ZFYVE27: variants seen among roughly 807,000 people sequenced by gnomAD.
The protein encoded by ZFYVE27 is zinc finger FYVE-type containing 27.
In ZFYVE27, 36 loss-of-function variants were observed where a neutral mutation model predicts 52.8. The observed-to-expected ratio is 0.68, with a 90% CI of 0.52 to 0.90. The LOEUF (loss-of-function observed/expected upper bound fraction) is 0.90. Ranked by LOEUF, ZFYVE27 falls within the 40% of genes least tolerant of loss-of-function variation. The pLI is 0.00. For synonymous variants in ZFYVE27, 223 were observed against 215.6 expected (o/e 1.03, Z -0.30); for missense variants, 450 against 527.2 (o/e 0.85, Z 1.43).
intron 8 of ZFYVE27, 34 bp from the exon 9 acceptor site, chr10:97,752,822 GT>G (rs746253439): frequency 6.2e-7 from 1 of 1,603,442 alleles, no homozygotes; most frequent in African/African-American, 1.3e-5. Flanking sequence ...TTTTCTTTCT[GT>G]TTTCTCTCCT....
chr10:97,747,593 T>C (rs919053495), intron 4 of ZFYVE27, among the ~76,000 whole-genome samples: 36 of 152,332 alleles, frequency 2.4e-4, no homozygotes, highest in Non-Finnish European at 1.3e-4. Flanking sequence ...TTACTATCAT[T>C]ATTTATTTTG....
intron 5 of ZFYVE27, among the ~76,000 whole-genome samples, chr10:97,749,214 G>A (rs1481048688): frequency 6.6e-6 from 1 of 152,214 alleles, no homozygotes. Context: ...TAGACCTTAA[G>A]GAGTGATGAT....
In ZFYVE27 at chr10:97,760,323, T is replaced by TG. The variant is rs745681473; in HGVS notation, c.*1028dup. On this transcript the variant is annotated 3_prime_UTR_variant, in exon 13 of 13. Coordinates refer to ENST00000684270, the MANE Select transcript of ZFYVE27 (RefSeq NM_001385875.1). ...GTCTCAGTTATGGGATAAGGCCCCC[T>TG]GGGGGTCTCCATTTCTTTCCAACAG... 12 of 152,186 alleles carry TG rather than the reference T, an allele frequency of 7.9e-5. No homozygotes were observed. Among genetic ancestry groups the TG allele is most frequent in the Non-Finnish European group, 1.6e-4 (11 of 68,062 alleles). The allele number at this position is 152,186 out of a possible 1,614,324, so 9.4% of individuals were successfully genotyped here. A position where few individuals can be genotyped will look rare whatever the true frequency, so the allele number is the denominator to read the frequency against.
chr10:97,753,237 ACT>A, intron 10 of ZFYVE27, 55 bp downstream of exon 10: 1 of 1,575,278 alleles, frequency 6.3e-7, no homozygotes, highest in Admixed American at 1.8e-5. Context: ...GACTTCTGGG[ACT>A]CTAGTGGGGA....
At chr10:97,743,982 C>T (rs1397836652) in intron 3 of ZFYVE27, among the ~76,000 whole-genome samples, 2 of 152,200 alleles carry the variant, frequency 1.3e-5, no homozygotes, top group African/African-American at 4.8e-5. Context: ...CCTTGTATTT[C>T]TCAGGTGTCT....
intron 4 of ZFYVE27, among the ~76,000 whole-genome samples, chr10:97,746,051 ATT>A (rs71488840): frequency 8.6e-4 from 55 of 64,144 alleles, no homozygotes; most frequent in East Asian, 3.9e-3. Context: ...ATATATATAT[ATT>A]TTTTTTTTTT....
rs758158502 is a variant in ZFYVE27 at position 97,753,057 on chromosome 10, C to T, written c.917C>T (p.Pro306Leu). The T allele has an allele frequency of 8.6e-5, 138 of 1,611,746 alleles. 1 individual carries two copies. The highest frequency in any genetic ancestry group is 1.6e-4 in the Middle Eastern group (1 of 6,082). The change falls in exon 10 of 13, where the codon CCG (proline) becomes CTG (leucine). Residue 306 changes from proline to leucine, a missense_variant. By Grantham distance (98) the Pro-to-Leu change is moderately conservative. Coordinates refer to ENST00000684270, the MANE Select transcript of ZFYVE27 (RefSeq NM_001385875.1). ...CCACAGGAGGATGATGAGGGCGCCC[C>T]GTGCCCAGCAGAGGATGAGCTGGCC... ...LVVLEDDEGA[P>L]CPAEDELALQ...
rs111921241 is a variant in ZFYVE27 at position 97,740,005 on chromosome 10, G to A, written c.197+1331G>A. Reference sequence around the variant, plus strand: ...TTTTTAACTTGGAGCCTATGGGTGAGTTTTAGGGATCAGTGAATCCCCTGA... The same window carrying A: ...TTTTTAACTTGGAGCCTATGGGTGAATTTTAGGGATCAGTGAATCCCCTGA... On this transcript the variant is annotated intron_variant, in intron 2 of 12. Coordinates refer to ENST00000684270, the MANE Select transcript of ZFYVE27 (RefSeq NM_001385875.1). Among the ~76,000 whole-genome samples the A allele has an allele frequency of 4.3e-3, 646 of 151,932 alleles. 6 individuals carry two copies. Among genetic ancestry groups the A allele is most frequent in the African/African-American group, 0.013 (543 of 41,440 alleles).
At chr10:97,738,801 A>T in intron 2 of ZFYVE27, 127 bp downstream of exon 2, 1 of 1,122,334 alleles carries the variant, frequency 8.9e-7, no homozygotes, top group Non-Finnish European at 1.3e-6. Flanking sequence ...CAGTTCTGGG[A>T]GGTCTGTTCG....
At position 97,753,097 on chromosome 10, in the gene ZFYVE27, G is replaced by T. The variant is rs142856838; in HGVS notation, c.957G>T (p.Gly319=). Residue 319 remains glycine, a synonymous_variant, in exon 10 of 13, where the codon GGG becomes GGT. Coordinates refer to ENST00000684270, the MANE Select transcript of ZFYVE27 (RefSeq NM_001385875.1). ...ATGAGCTGGCCCTGCAGGACAACGGGTTCCTGAGCAAGAATGAGGTGCTGC... is the reference window on the plus strand; with the variant it reads ...ATGAGCTGGCCCTGCAGGACAACGGTTTCCTGAGCAAGAATGAGGTGCTGC... ...AEDELALQDN[G]FLSKNEVLRS... 1 of 1,611,680 alleles carries T rather than the reference G, an allele frequency of 6.2e-7. No individual in the cohort carries two copies.
chr10:97,742,396 T>C (rs79414645), intron 2 of ZFYVE27, among the ~76,000 whole-genome samples: 6,152 of 152,280 alleles, frequency 0.04, 169 homozygotes, highest in South Asian at 0.076. Flanking sequence ...GGCTTCTGCA[T>C]TGCCATTTGG....
intron 8 of ZFYVE27, 99 bp from the exon 9 acceptor site, chr10:97,752,758 A>C: frequency 7.3e-7 from 1 of 1,369,684 alleles, no homozygotes; most frequent in South Asian, 1.2e-5. Flanking sequence ...CAGCGCTTCC[A>C]TGCTTCCTTC....
At chr10:97,750,040 T>G (rs1327821828) in intron 6 of ZFYVE27, 2 of 462,568 alleles carry the variant, frequency 4.3e-6, no homozygotes, top group African/African-American at 2.0e-5. Flanking sequence ...GTACATATGT[T>G]TGGGTGATTG....
intron 3 of ZFYVE27, 84 bp from the exon 4 acceptor site, chr10:97,744,645 T>G (rs1590022068): frequency 1.3e-6 from 2 of 1,521,400 alleles, no homozygotes; most frequent in Non-Finnish European, 1.8e-6. Context: ...CTGGAGGAGG[T>G]GAGGAACAAG....
At chr10:97,743,310 C>A in intron 3 of ZFYVE27, 146 bp downstream of exon 3, 1 of 989,254 alleles carries the variant, frequency 1.0e-6, no homozygotes, top group Non-Finnish European at 1.6e-6. Context: ...CAGAAACAGC[C>A]TCCAGAGGGA....
At chr10:97,754,842 A>G in intron 10 of ZFYVE27, 6 of 1,288,224 alleles carry the variant, frequency 4.7e-6, no homozygotes, top group Non-Finnish European at 5.1e-6. Context: ...GTCTATTTCT[A>G]CAACTTCTAA....
At chr10:97,747,756 A>T (rs1228578558) in intron 4 of ZFYVE27, among the ~76,000 whole-genome samples, 1 of 152,122 alleles carries the variant, frequency 6.6e-6, no homozygotes, top group Non-Finnish European at 1.5e-5. Flanking sequence ...GAATCAGCTT[A>T]TCTCCATGTT....
chr10:97,759,056 C>T (rs1564841058), intron 12 of ZFYVE27, among the ~76,000 whole-genome samples, 180 bp from the exon 13 acceptor site: 1 of 152,100 alleles, frequency 6.6e-6, no homozygotes, highest in African/African-American at 2.4e-5. Flanking sequence ...ATCATCACCC[C>T]CAGGATCCCC....
At chr10:97,738,260 C>G (rs1187017502) in intron 1 of ZFYVE27, among the ~76,000 whole-genome samples, 2 of 152,158 alleles carry the variant, frequency 1.3e-5, no homozygotes, top group African/African-American at 4.8e-5. Flanking sequence ...TGCCTCGCTG[C>G]AGCGATCATT....
Sources: gnomAD v4.1 joint callset for allele counts (sites outside exome capture counted in the v4.1 genomes callset) on GRCh38, gnomAD v4.1.1 for gene constraint, MANE v1.5 for transcripts, NCBI Gene and HGNC (gene_info 2026-07-23, HGNC 2026-07-21) for gene names.